Variants in DPP10 observed in about 807,000 individuals in gnomAD.
DPP10 encodes dipeptidyl peptidase like 10.
In DPP10, 33 loss-of-function variants were observed where a neutral mutation model predicts 120.9. The observed-to-expected ratio is 0.27, with a 90% CI of 0.21 to 0.37. The LOEUF (loss-of-function observed/expected upper bound fraction) is 0.37, where lower values mean the gene tolerates loss of function less well. Among genes scored for constraint, DPP10 ranks in the 10% least tolerant of loss-of-function variants. The pLI, the probability that DPP10 is intolerant of heterozygous loss-of-function variation, is 1.00. For missense variants in DPP10, 816 were observed against 942.8 expected, an observed-to-expected ratio of 0.87 and a Z score of 1.76; for synonymous variants, 337 against 326.1, an observed-to-expected ratio of 1.03 and a Z score of -0.36.
chr2:114,577,303 G>A (rs1168994806), intron 1 of DPP10, among the ~76,000 whole-genome samples: 1 of 152,216 alleles, frequency 6.6e-6, no homozygotes, highest in African/African-American at 2.4e-5. Context: ...GATAGGGAAA[G>A]CCAGGAACCA....
intron 5 of DPP10, among the ~76,000 whole-genome samples, chr2:115,539,755 G>A (rs995612866): frequency 6.6e-6 from 1 of 151,118 alleles, no homozygotes; most frequent in African/African-American, 2.4e-5. Flanking sequence ...TATCAAATAT[G>A]GAATAACTTT....
intron 1 of DPP10, among the ~76,000 whole-genome samples, chr2:115,023,344 C>T (rs994563621): frequency 6.6e-6 from 1 of 151,714 alleles, no homozygotes; most frequent in Admixed American, 6.6e-5. Context: ...CATGAACAGA[C>T]AATTCTCTAA....
At chr2:114,984,696 T>C (rs186983277) in intron 1 of DPP10, among the ~76,000 whole-genome samples, 1 of 152,288 alleles carries the variant, frequency 6.6e-6, no homozygotes, top group East Asian at 1.9e-4. Flanking sequence ...GGCACCATTG[T>C]TCTAGTCAAA....
chr2:114,614,607 C>T lies in DPP10; in HGVS notation c.60+171769C>T, dbSNP rs570487295. Among the ~76,000 whole-genome samples, 116 of 152,182 alleles carry T rather than the reference C, an allele frequency of 7.6e-4. No individual in the cohort carries two copies. The South Asian group carries it at 0.013, about 17-fold the overall frequency. ...CAATAGTTGCTTGATTTTTATTGCC[C>T]GCCTAATTAGTGTGGTTAAAGTGGC... On this transcript the variant is annotated intron_variant, in intron 1 of 25. Transcript: ENST00000410059.
At chr2:115,167,344 GC>G (rs1471749950) in intron 1 of DPP10, among the ~76,000 whole-genome samples, 2 of 151,468 alleles carry the variant, frequency 1.3e-5, no homozygotes, top group African/African-American at 4.9e-5. Context: ...GATGGATTGA[GC>G]CTAGGAGTTC....
At chr2:115,441,101 C>T (rs915417842) in intron 3 of DPP10, 1 of 151,864 alleles carries the variant, frequency 6.6e-6, no homozygotes, top group African/African-American at 2.4e-5. Context: ...TTCAAAGTAG[C>T]GAGTTAGAGT....
chr2:115,218,131 T>C (rs2056938833), intron 1 of DPP10, among the ~76,000 whole-genome samples: 1 of 152,198 alleles, frequency 6.6e-6, no homozygotes, highest in African/African-American at 2.4e-5. Flanking sequence ...GAATATTGTA[T>C]ATAGACTGTA....
intron 1 of DPP10, among the ~76,000 whole-genome samples, chr2:114,620,474 TTTAA>T (rs1161971481): frequency 6.6e-6 from 1 of 152,022 alleles, no homozygotes; most frequent in Non-Finnish European, 1.5e-5. Context: ...ATTATGATGG[TTTAA>T]TTGAGGTTAA....
At chr2:115,222,317 T>A (rs2057213757) in intron 1 of DPP10, among the ~76,000 whole-genome samples, 1 of 152,176 alleles carries the variant, frequency 6.6e-6, no homozygotes. Context: ...TCATTGGTAA[T>A]TTGATTTGAA....
At position 115,141,214 on chromosome 2, in the gene DPP10, C is replaced by G. The variant is rs555482593; in HGVS notation, c.61-168025C>G. On this transcript the variant is annotated intron_variant, in intron 1 of 25. Transcript: ENST00000410059. The stretch of plus-strand genomic sequence containing the variant: ...TTAATTAATTCTCATTGCTTCTACT[C>G]AGTACGCAGTTCTTATAAATCAGAG... Among the ~76,000 whole-genome samples the G allele has an allele frequency of 4.6e-5, 7 of 152,326 alleles. No individual in the cohort carries two copies. The South Asian group carries it at 1.5e-3, about 32-fold the overall frequency.
chr2:114,932,215 T>G (rs752278869), intron 1 of DPP10, among the ~76,000 whole-genome samples: 67 of 152,374 alleles, frequency 4.4e-4, no homozygotes, highest in Non-Finnish European at 7.3e-4. Context: ...CAGGTGACTC[T>G]GATAGACTAA....
intron 7 of DPP10, among the ~76,000 whole-genome samples, chr2:115,705,147 G>A (rs1419504134): frequency 6.6e-6 from 1 of 151,796 alleles, no homozygotes; most frequent in African/African-American, 2.4e-5. Flanking sequence ...CTTTAAATTT[G>A]TGATATAATC....
chr2:114,702,366 G>A (rs1357740117), intron 1 of DPP10, among the ~76,000 whole-genome samples: 1 of 151,840 alleles, frequency 6.6e-6, no homozygotes, highest in Non-Finnish European at 1.5e-5. Flanking sequence ...AATGGTGTGA[G>A]CCACTTGATG....
At chr2:114,948,085 T>C (rs1038400381) in intron 1 of DPP10, among the ~76,000 whole-genome samples, 11 of 152,054 alleles carry the variant, frequency 7.2e-5, no homozygotes, top group African/African-American at 2.7e-4. Context: ...TTTCTATATA[T>C]ATATTCTCTA....
At chr2:114,829,341 C>A in intron 1 of DPP10, among the ~76,000 whole-genome samples, 1 of 150,306 alleles carries the variant, frequency 6.7e-6, no homozygotes, top group East Asian at 2.0e-4. Flanking sequence ...ATGAGTATAG[C>A]TATTTACAAA....
intron 1 of DPP10, among the ~76,000 whole-genome samples, chr2:114,663,662 T>TAGAGAGAGAG (rs1407543024): frequency 5.6e-4 from 53 of 94,988 alleles, no homozygotes; most frequent in Middle Eastern, 4.9e-3. Flanking sequence ...TATATATATA[T>TAGAGAGAGAG]ATATATAGAG....
At chr2:115,045,432 C>T (rs1157536113) in intron 1 of DPP10, among the ~76,000 whole-genome samples, 1 of 152,088 alleles carries the variant, frequency 6.6e-6, no homozygotes, top group East Asian at 1.9e-4. Context: ...CTATAAATTT[C>T]CTGTACTTGA....
intron 5 of DPP10, among the ~76,000 whole-genome samples, chr2:115,668,667 C>G (rs1365511725): frequency 6.6e-6 from 1 of 152,056 alleles, no homozygotes; most frequent in Non-Finnish European, 1.5e-5. Context: ...GCTGGTCTGT[C>G]AGGTAGTTTC....
intron 3 of DPP10, among the ~76,000 whole-genome samples, chr2:115,469,901 A>AAAAAAAAAAAAAAG (rs1558709906): frequency 5.4e-5 from 4 of 74,650 alleles, no homozygotes; most frequent in Non-Finnish European, 9.4e-5. Flanking sequence ...AAAAAAAAAG[A>AAAAAAAAAAAAAAG]AAAAAAAAAA....
Sources: gnomAD v4.1 joint callset for allele counts (sites outside exome capture counted in the v4.1 genomes callset) on GRCh38, gnomAD v4.1.1 for gene constraint, MANE v1.5 for transcripts, NCBI Gene and HGNC (gene_info 2026-07-23, HGNC 2026-07-21) for gene names.